Variants in ELMOD2 observed in about 807,000 individuals in gnomAD.
ELMOD2 encodes the protein ELMO domain-containing protein 2.
A neutral mutation model predicts 41.0 loss-of-function variants in ELMOD2; 28 were observed. The observed-to-expected ratio is 0.68, with a 90% CI of 0.51 to 0.94. The LOEUF is 0.94. ELMOD2 is among the 40% of genes least tolerant of loss of function. The pLI is 0.00. For missense variants in ELMOD2, 333 were observed against 343.1 expected (o/e 0.97, Z 0.23); for synonymous variants, 106 against 107.2 (o/e 0.99, Z 0.07).
In ELMOD2 at chr4:140,525,547, G is replaced by A; in HGVS notation, c.119G>A (p.Gly40Asp). The stretch of plus-strand genomic sequence containing the variant: ...CAGCGAATATTTGATACCTATGTAG[G>A]TGCACAAAGGACACACAGGATAGGT... ...ELQRIFDTYV[G>D]AQRTHRIENS... is the part of the protein sequence containing the mutation. Residue 40 changes from glycine to aspartate, a missense_variant, in exon 2 of 9, where the codon GGT becomes GAT. Gly to Asp is a moderately conservative substitution (Grantham distance 94). Coordinates refer to ENST00000323570, the MANE Select transcript of ELMOD2 (RefSeq NM_153702.4). 1 of 1,612,650 alleles carries A rather than the reference G, an allele frequency of 6.2e-7. No homozygotes were observed. Among genetic ancestry groups the A allele is most frequent in the East Asian group, 2.2e-5 (1 of 44,764 alleles).
rs568859719 is a variant in ELMOD2, at chr4:140,535,725, A to G, written c.172-8A>G. On this transcript the variant is annotated splice_region_variant and splice_polypyrimidine_tract_variant and intron_variant, in intron 3 of 8. Transcript: ENST00000323570. ...TTTTTCTCATTTGGCTTTCTTTTACATAAATAGGTTTTACAGAAGGCGACA... is the reference window on the plus strand; with the variant it reads ...TTTTTCTCATTTGGCTTTCTTTTACGTAAATAGGTTTTACAGAAGGCGACA... 8 of 1,604,416 alleles carry G rather than the reference A, an allele frequency of 5.0e-6. No individual in the cohort carries two copies. Among genetic ancestry groups the G allele is most frequent in the South Asian group, 4.5e-5 (4 of 88,372 alleles).
chr4:140,544,437 G>A (rs1329951800), intron 8 of ELMOD2, among the ~76,000 whole-genome samples: 1 of 151,990 alleles, frequency 6.6e-6, no homozygotes, highest in Non-Finnish European at 1.5e-5. Context: ...ACAATATCAG[G>A]CCTTTGTTAC....
intron 4 of ELMOD2, 29 bp from the exon 5 acceptor site, chr4:140,537,383 C>A: frequency 6.8e-7 from 1 of 1,469,586 alleles, no homozygotes; most frequent in Non-Finnish European, 9.0e-7. Flanking sequence ...AGAGGGTATG[C>A]TTTTTAAAAA....
intron 7 of ELMOD2, 80 bp downstream of exon 7, chr4:140,542,722 A>AAGGG (rs1735148670): frequency 9.6e-7 from 1 of 1,038,086 alleles, no homozygotes; most frequent in Middle Eastern, 2.2e-4. Context: ...AAGGTATATC[A>AAGGG]AGGTATTTCT....
intron 6 of ELMOD2, among the ~76,000 whole-genome samples, chr4:140,542,017 T>TATG (rs1174691241): frequency 6.6e-6 from 1 of 152,084 alleles, no homozygotes; most frequent in Non-Finnish European, 1.5e-5. Flanking sequence ...CAAAAGGATG[T>TATG]ATGTGCCTAC....
At chr4:140,543,718 G>T (rs1226229396) in intron 8 of ELMOD2, 132 bp downstream of exon 8, 1 of 742,960 alleles carries the variant, frequency 1.3e-6, no homozygotes, top group African/African-American at 1.8e-5. Context: ...ATTACTTAGG[G>T]TCTTTGAAAA....
At chr4:140,525,700 G>A in intron 2 of ELMOD2, 130 bp downstream of exon 2, 1 of 989,596 alleles carries the variant, frequency 1.0e-6, no homozygotes, top group Non-Finnish European at 1.4e-6. Context: ...AAGCTCTGAA[G>A]TCCCGCTTTG....
At position 140,551,401 on chromosome 4, in the gene ELMOD2, A is replaced by G. The variant is rs1017492397; in HGVS notation, c.*1026A>G. 1 of 152,014 alleles carries G rather than the reference A, an allele frequency of 6.6e-6. No homozygotes were observed. The highest frequency in any genetic ancestry group is 1.5e-5 in the Non-Finnish European group (1 of 67,922). 9.4% of individuals were successfully genotyped at this position (152,014 alleles called of 1,614,324 possible). ...GGTGTTTTTAGATAACCATGTATGA[A>G]CTTTATGTTAATGGTTTGTGGGATA... On this transcript the variant is annotated 3_prime_UTR_variant, in exon 9 of 9. Coordinates refer to ENST00000323570, the MANE Select transcript of ELMOD2 (RefSeq NM_153702.4).
At chr4:140,526,318 T>C (rs1460725448) in intron 2 of ELMOD2, among the ~76,000 whole-genome samples, 1 of 152,246 alleles carries the variant, frequency 6.6e-6, no homozygotes, top group Non-Finnish European at 1.5e-5. Flanking sequence ...GCTTGTGTTA[T>C]ATTTCTGTTG....
chr4:140,532,174 T>A (rs78646116), intron 3 of ELMOD2, among the ~76,000 whole-genome samples: 1,659 of 151,836 alleles, frequency 0.011, 29 homozygotes, highest in African/African-American at 0.038. Context: ...TTGTTTTTTT[T>A]TTTTTTTTGA....
At chr4:140,547,530 C>CA (rs1295245587) in intron 8 of ELMOD2, among the ~76,000 whole-genome samples, 8 of 147,912 alleles carry the variant, frequency 5.4e-5, no homozygotes, top group Admixed American at 2.7e-4. Flanking sequence ...TTGGTGGTTC[C>CA]AAAAAAAAAT....
At chr4:140,524,509 G>A in intron 1 of ELMOD2, 1 of 794,526 alleles carries the variant, frequency 1.3e-6, no homozygotes, top group East Asian at 1.3e-4. Context: ...CATCCCCTCT[G>A]CTCGGCAGTT....
chr4:140,533,923 A>G (rs79176622), intron 3 of ELMOD2, among the ~76,000 whole-genome samples: 2,542 of 152,164 alleles, frequency 0.017, 69 homozygotes, highest in African/African-American at 0.057. Context: ...AGAAGACACT[A>G]CATACCTAAA....
intron 5 of ELMOD2, among the ~76,000 whole-genome samples, chr4:140,539,270 T>C (rs1269249923): frequency 6.6e-6 from 1 of 152,232 alleles, no homozygotes; most frequent in Non-Finnish European, 1.5e-5. Context: ...TTCTTTCATT[T>C]GATGGCTTGT....
At chr4:140,529,959 CTG>C (rs1253073035) in intron 3 of ELMOD2, among the ~76,000 whole-genome samples, 4 of 151,998 alleles carry the variant, frequency 2.6e-5, no homozygotes, top group Non-Finnish European at 4.4e-5. Flanking sequence ...GTTTTGTTCA[CTG>C]ATGTTTTTCT....
chr4:140,536,389 A>G (rs1269347801), intron 4 of ELMOD2, among the ~76,000 whole-genome samples: 1 of 152,174 alleles, frequency 6.6e-6, no homozygotes, highest in Admixed American at 6.5e-5. Context: ...GTGAATATAG[A>G]GGAAGGAACA....
In ELMOD2 at chr4:140,551,163, A is replaced by G. The variant is rs1479457986; in HGVS notation, c.*788A>G. On this transcript the variant is annotated 3_prime_UTR_variant, in exon 9 of 9. Coordinates refer to ENST00000323570, the MANE Select transcript of ELMOD2 (RefSeq NM_153702.4). Reference sequence around the variant, plus strand: ...GCTTATGAAACCGCTCTACCTACATATGAAACTTCTCTACCTATGTATGTT... The same window carrying G: ...GCTTATGAAACCGCTCTACCTACATGTGAAACTTCTCTACCTATGTATGTT... The G allele has an allele frequency of 6.6e-6, 1 of 152,102 alleles. No homozygotes were observed. The highest frequency in any genetic ancestry group is 2.4e-5 in the African/African-American group (1 of 41,436). The allele number at this position is 152,102 out of a possible 1,614,324, so 9.4% of individuals were successfully genotyped here. A position where few individuals can be genotyped will look rare whatever the true frequency, so the allele number is the denominator to read the frequency against.
chr4:140,537,344 C>T, intron 4 of ELMOD2, 68 bp from the exon 5 acceptor site: 2 of 1,331,764 alleles, frequency 1.5e-6, no homozygotes, highest in Non-Finnish European at 2.0e-6. Flanking sequence ...ACATATGAAC[C>T]ACAAGCTATG....
intron 3 of ELMOD2, among the ~76,000 whole-genome samples, chr4:140,533,970 T>G (rs1161962367): frequency 6.6e-6 from 1 of 152,148 alleles, no homozygotes; most frequent in Admixed American, 6.5e-5. Context: ...ACACTAATGT[T>G]GGAAACACCA....
Sources: gnomAD v4.1 joint callset for allele counts (sites outside exome capture counted in the v4.1 genomes callset) on GRCh38, gnomAD v4.1.1 for gene constraint, MANE v1.5 for transcripts, NCBI Gene and HGNC (gene_info 2026-07-23, HGNC 2026-07-21) for gene names.